Variants in CUL2 observed in about 807,000 individuals in gnomAD.
CUL2 encodes the protein cullin-2.
CUL2 carries 22 observed loss-of-function variants against 110.2 expected under a neutral mutation model. That is an observed-to-expected ratio of 0.20 (90% CI 0.14 to 0.28). The LOEUF is 0.28. Ranked by LOEUF, CUL2 falls within the 10% of genes least tolerant of loss-of-function variation. The probability of loss-of-function intolerance (pLI) is 1.00; values close to 1 mark genes in which losing one functional copy is unlikely to be tolerated. For synonymous variants in CUL2, 279 were observed against 293.2 expected, an observed-to-expected ratio of 0.95 and a Z score of 0.49; for missense variants, 631 against 905.5, an observed-to-expected ratio of 0.70 and a Z score of 3.89.
chr10:35,071,480 C>T (rs545879050), intron 1 of CUL2, 141 bp from the exon 2 acceptor site: 3 of 643,556 alleles, frequency 4.7e-6, no homozygotes, highest in Admixed American at 3.0e-5. Flanking sequence ...TCTTGGCTCA[C>T]TGCAAGCTCC....
chr10:35,019,484 G>T (rs565021387), intron 17 of CUL2, among the ~76,000 whole-genome samples: 12 of 152,276 alleles, frequency 7.9e-5, no homozygotes, highest in Admixed American at 5.9e-4. Context: ...AGACACGACA[G>T]GGGAAAGGAA....
At chr10:35,106,488 T>A (rs896517382) in intron 1 of CUL2, among the ~76,000 whole-genome samples, 2 of 106,332 alleles carry the variant, frequency 1.9e-5, no homozygotes, top group Non-Finnish European at 4.4e-5. Context: ...CCCGGCTAAT[T>A]TTTTTTTTTC....
chr10:35,039,115 A>G (rs1409422135), intron 8 of CUL2, 33 bp from the exon 9 acceptor site: 1 of 1,419,788 alleles, frequency 7.0e-7, no homozygotes, highest in Non-Finnish European at 9.4e-7. Flanking sequence ...TCATGAACAC[A>G]AAGTTTTACT....
chr10:35,022,128 G>A (rs192280681), intron 17 of CUL2, among the ~76,000 whole-genome samples: 1 of 152,256 alleles, frequency 6.6e-6, no homozygotes, highest in South Asian at 2.1e-4. Context: ...CCAAGGCTCT[G>A]TATTTTATTT....
intron 1 of CUL2, among the ~76,000 whole-genome samples, chr10:35,072,995 C>T (rs898718981): frequency 6.6e-6 from 1 of 151,976 alleles, no homozygotes; most frequent in Non-Finnish European, 1.5e-5. Context: ...GCAAAGGGAG[C>T]GGGTAGGATG....
At chr10:35,124,727 T>A (rs2087719303) in intron 1 of CUL2, among the ~76,000 whole-genome samples, 1 of 152,090 alleles carries the variant, frequency 6.6e-6, no homozygotes, top group African/African-American at 2.4e-5. Context: ...AAAAAGGCTG[T>A]AGGTATGACT....
rs2084988376 is a variant in CUL2 at position 35,014,891 on chromosome 10, TG to T, written c.1888-1092del. On this transcript the variant is annotated intron_variant, in intron 18 of 20. Transcript: ENST00000374749. ...GCAAACAAGGAATCTATGTTTACTT[TG>T]TCAATTTCTGGGCAGCAAAAATAGC... Among the ~76,000 whole-genome samples the T allele has an allele frequency of 8.5e-5, 13 of 152,284 alleles. No homozygotes were observed. The South Asian group carries it at 2.7e-3, about 32-fold the overall frequency.
chr10:35,015,695 G>C (rs2085010048), intron 18 of CUL2, among the ~76,000 whole-genome samples: 1 of 152,150 alleles, frequency 6.6e-6, no homozygotes, highest in Non-Finnish European at 1.5e-5. Context: ...TGTTATTCTT[G>C]TGACAGATAT....
intron 1 of CUL2, among the ~76,000 whole-genome samples, chr10:35,081,058 T>C (rs1371893523): frequency 6.6e-6 from 1 of 151,602 alleles, no homozygotes; most frequent in Non-Finnish European, 1.5e-5. Flanking sequence ...TAAAAAAAAA[T>C]AAAATTATAG....
intron 8 of CUL2, among the ~76,000 whole-genome samples, chr10:35,043,941 G>A (rs2085865476): frequency 6.6e-6 from 1 of 150,746 alleles, no homozygotes; most frequent in South Asian, 2.1e-4. Flanking sequence ...GGTGGTGTGT[G>A]CCTGTAGTCC....
intron 4 of CUL2, among the ~76,000 whole-genome samples, chr10:35,055,328 A>G (rs1327772566): frequency 6.6e-6 from 1 of 152,246 alleles, no homozygotes; most frequent in Non-Finnish European, 1.5e-5. Flanking sequence ...ACATGAATAT[A>G]TACACTTTTC....
At chr10:35,034,688 G>T (rs2085575215) in intron 10 of CUL2, among the ~76,000 whole-genome samples, 1 of 152,182 alleles carries the variant, frequency 6.6e-6, no homozygotes, top group South Asian at 2.1e-4. Context: ...GAGTATTAGG[G>T]ATATGAGGGT....
chr10:35,124,647 G>T (rs552287878), intron 1 of CUL2, among the ~76,000 whole-genome samples: 16 of 152,268 alleles, frequency 1.1e-4, no homozygotes, highest in Non-Finnish European at 1.9e-4. Flanking sequence ...TCCTTATAGG[G>T]CTAGCAGTGC....
intron 1 of CUL2, among the ~76,000 whole-genome samples, chr10:35,105,196 CG>C (rs1564754598): frequency 6.7e-6 from 1 of 149,158 alleles, no homozygotes; most frequent in African/African-American, 2.5e-5. Context: ...GAGGCCGAGG[CG>C]GGCGGATCAC....
At chr10:35,071,018 T>A (rs868738267) in intron 2 of CUL2, among the ~76,000 whole-genome samples, 181 bp downstream of exon 2, 1 of 152,174 alleles carries the variant, frequency 6.6e-6, no homozygotes, top group African/African-American at 2.4e-5. Context: ...CAAATACTTG[T>A]TGAATGAAAG....
intron 18 of CUL2, among the ~76,000 whole-genome samples, chr10:35,015,759 A>C (rs2085012181): frequency 6.6e-6 from 1 of 152,224 alleles, no homozygotes; most frequent in Non-Finnish European, 1.5e-5. Flanking sequence ...GCTGACATTA[A>C]GAACACTTGG....
Position 35,090,340 on chromosome 10 carries a change from A to AGGCCGCCTCCCCGGCC in CUL2, c.-185_-184insGGCCGGGGAGGCGGCC, listed in dbSNP as rs2087178651. ...ACAGCGCTGCCATTACTGTGCGCCGAGGCCGCCTCCCCGGCCGGCCGCCGC... is the reference window on the plus strand; with the variant it reads ...ACAGCGCTGCCATTACTGTGCGCCGAGGCCGCCTCCCCGGCCGGCCGCCTCCCCGGCCGGCCGCCGC... On this transcript the variant is annotated 5_prime_UTR_variant, in exon 1 of 21. Coordinates refer to ENST00000374749, the MANE Select transcript of CUL2 (RefSeq NM_003591.4). 2 of 152,120 alleles carry AGGCCGCCTCCCCGGCC rather than the reference A, an allele frequency of 1.3e-5. No homozygotes were observed. The highest frequency in any genetic ancestry group is 2.9e-5 in the Non-Finnish European group (2 of 68,046). 9.4% of individuals were successfully genotyped at this position (152,120 alleles called of 1,614,324 possible).
intron 16 of CUL2, 94 bp from the exon 17 acceptor site, chr10:35,025,292 A>G (rs1207916261): frequency 1.4e-6 from 2 of 1,396,040 alleles, no homozygotes; most frequent in African/African-American, 1.5e-5. Flanking sequence ...AAAACCATTC[A>G]TATTAGAAGA....
At chr10:35,106,306 T>G (rs1020181139) in intron 1 of CUL2, among the ~76,000 whole-genome samples, 8 of 139,292 alleles carry the variant, frequency 5.7e-5, no homozygotes, top group African/African-American at 1.3e-4. Context: ...TGTTTTTTGT[T>G]TTTTTTTTTG....
Sources: allele counts gnomAD v4.1 joint callset (sites outside exome capture counted in the v4.1 genomes callset), GRCh38; gene constraint gnomAD v4.1.1; transcripts MANE v1.5; gene names NCBI Gene and HGNC (gene_info 2026-07-23, HGNC 2026-07-21).